FSTL5: variants seen among roughly 807,000 people sequenced by gnomAD.
FSTL5 encodes follistatin like 5.
FSTL5 carries 62 observed loss-of-function variants against 89.1 expected under a neutral mutation model. That is an observed-to-expected ratio of 0.70 (90% CI 0.57 to 0.86). The LOEUF is 0.86. Ranked by LOEUF, FSTL5 falls within the 40% of genes least tolerant of loss-of-function variation. The probability of loss-of-function intolerance (pLI) is 0.00; values close to 1 mark genes in which losing one functional copy is unlikely to be tolerated. For synonymous variants in FSTL5, 383 were observed against 346.2 expected, an observed-to-expected ratio of 1.11 and a Z score of -1.18; for missense variants, 1,057 against 1,001.6, an observed-to-expected ratio of 1.06 and a Z score of -0.75.
chr4:161,704,256 G>T (rs1738497324), intron 6 of FSTL5, among the ~76,000 whole-genome samples: 1 of 151,968 alleles, frequency 6.6e-6, no homozygotes, highest in African/African-American at 2.4e-5. Flanking sequence ...CCTTTGTTTC[G>T]AGTTGTCCCG....
intron 10 of FSTL5, among the ~76,000 whole-genome samples, chr4:161,515,952 C>A (rs1229760066): frequency 6.6e-6 from 1 of 151,744 alleles, no homozygotes; most frequent in African/African-American, 2.4e-5. Flanking sequence ...AAGATTGTTA[C>A]CAGCACCACC....
intron 7 of FSTL5, among the ~76,000 whole-genome samples, chr4:161,627,993 C>T (rs746840569): frequency 3.9e-5 from 6 of 152,032 alleles, no homozygotes; most frequent in Non-Finnish European, 8.8e-5. Context: ...GGAAACATTC[C>T]CACACAGACA....
intron 4 of FSTL5, among the ~76,000 whole-genome samples, chr4:161,900,349 T>G (rs1733311931): frequency 6.6e-6 from 1 of 151,896 alleles, no homozygotes; most frequent in Non-Finnish European, 1.5e-5. Flanking sequence ...GGTTAGTAAC[T>G]CGGGTTCTCA....
chr4:161,591,363 A>C (rs187122760), intron 7 of FSTL5, among the ~76,000 whole-genome samples: 3 of 152,302 alleles, frequency 2.0e-5, no homozygotes, highest in Admixed American at 2.0e-4. Flanking sequence ...TGGAGGGATG[A>C]AAATATTCTA....
intron 6 of FSTL5, among the ~76,000 whole-genome samples, chr4:161,730,214 G>T (rs1168272101): frequency 6.6e-6 from 1 of 151,998 alleles, no homozygotes; most frequent in African/African-American, 2.4e-5. Flanking sequence ...AGCTTTGAAT[G>T]AAATTAATTT....
chr4:162,060,277 G>A (rs866566125), intron 2 of FSTL5, among the ~76,000 whole-genome samples: 6 of 151,932 alleles, frequency 3.9e-5, no homozygotes, highest in East Asian at 3.9e-4. Flanking sequence ...AGCAGTCTCC[G>A]GTTTATACTC....
chr4:162,037,521 A>G (rs1255213905), intron 2 of FSTL5, among the ~76,000 whole-genome samples: 1 of 151,830 alleles, frequency 6.6e-6, no homozygotes, highest in Non-Finnish European at 1.5e-5. Flanking sequence ...AATTTGTAAC[A>G]ATCTTAGGCT....
chr4:162,106,797 T>C (rs1731243445), intron 2 of FSTL5, among the ~76,000 whole-genome samples: 1 of 152,326 alleles, frequency 6.6e-6, no homozygotes, highest in East Asian at 1.9e-4. Context: ...ATGTACAAAA[T>C]GAAGTGATTT....
chr4:162,121,709 T>C (rs72984756), intron 1 of FSTL5, among the ~76,000 whole-genome samples: 3 of 152,092 alleles, frequency 2.0e-5, no homozygotes, highest in Admixed American at 1.3e-4. Context: ...TATGACAGTA[T>C]CTAAAAAAAA....
At chr4:161,994,781 AC>A (rs537526340) in intron 3 of FSTL5, among the ~76,000 whole-genome samples, 31 of 152,000 alleles carry the variant, frequency 2.0e-4, no homozygotes, top group Non-Finnish European at 3.8e-4. Flanking sequence ...TGGATATTAG[AC>A]CTTTGTCAGA....
At chr4:162,051,227 G>A (rs1738369582) in intron 2 of FSTL5, among the ~76,000 whole-genome samples, 1 of 151,106 alleles carries the variant, frequency 6.6e-6, no homozygotes, top group South Asian at 2.1e-4. Context: ...ATCTGTAACA[G>A]GTATCATAGA....
chr4:161,731,733 T>C (rs969501516), intron 6 of FSTL5, among the ~76,000 whole-genome samples: 2 of 151,788 alleles, frequency 1.3e-5, no homozygotes, highest in East Asian at 3.9e-4. Context: ...TTAAAGAATT[T>C]TTATGAATAG....
intron 6 of FSTL5, among the ~76,000 whole-genome samples, chr4:161,718,148 T>A (rs1275298007): frequency 6.6e-6 from 1 of 152,192 alleles, no homozygotes; most frequent in Non-Finnish European, 1.5e-5. Flanking sequence ...TGCTTTTCTT[T>A]ACATATAGTT....
At chr4:161,473,424 A>T (rs1295429252) in intron 13 of FSTL5, among the ~76,000 whole-genome samples, 27 of 129,734 alleles carry the variant, frequency 2.1e-4, no homozygotes, top group Admixed American at 4.1e-4. Context: ...GTCTCTTGTA[A>T]TTTTTTTTTT....
chr4:161,580,694 T>C (rs1396626590), intron 8 of FSTL5, among the ~76,000 whole-genome samples: 1 of 152,200 alleles, frequency 6.6e-6, no homozygotes, highest in African/African-American at 2.4e-5. Context: ...TGATGATTCC[T>C]AAGGACATCA....
chr4:161,622,463 C>T (rs1352725941), intron 7 of FSTL5, among the ~76,000 whole-genome samples: 2 of 151,830 alleles, frequency 1.3e-5, no homozygotes, highest in Non-Finnish European at 1.5e-5. Flanking sequence ...AATAACTCTC[C>T]TGAATACAGA....
rs562285300 is a variant in FSTL5, at chr4:162,093,198, T to C, written c.126+18073A>G. Among the ~76,000 whole-genome samples the C allele has an allele frequency of 1.6e-4, 25 of 152,254 alleles. No homozygotes were observed. In the South Asian group the frequency reaches 4.4e-3, roughly 27 times the overall value. ...ATAGCATAAGACTTCAGTGTTACAA[T>C]AGATACAAAGAAAAACCACTGAAAT... On this transcript the variant is annotated intron_variant, in intron 2 of 15. Transcript: ENST00000306100.
At chr4:161,728,207 G>T (rs1739487354) in intron 6 of FSTL5, among the ~76,000 whole-genome samples, 1 of 152,206 alleles carries the variant, frequency 6.6e-6, no homozygotes, top group African/African-American at 2.4e-5. Context: ...AATATCTCTG[G>T]GTTAGCAGCT....
chr4:161,392,945 C>A (rs754176167), intron 15 of FSTL5, among the ~76,000 whole-genome samples: 5 of 152,142 alleles, frequency 3.3e-5, no homozygotes, highest in Admixed American at 1.3e-4. Context: ...GGATGGATCA[C>A]TTGAGGCCAG....
Sources: gnomAD v4.1 joint callset for allele counts (sites outside exome capture counted in the v4.1 genomes callset) on GRCh38, gnomAD v4.1.1 for gene constraint, MANE v1.5 for transcripts, NCBI Gene and HGNC (gene_info 2026-07-23, HGNC 2026-07-21) for gene names.